The following NBEAL2 variants were observed in gnomAD, a reference collection of about 807,000 sequenced individuals.
NBEAL2 encodes the protein neurobeachin like 2.
Under a neutral mutation model 299.8 loss-of-function variants are expected in NBEAL2, and 160 were observed. The observed-to-expected ratio is 0.53, with a 90% confidence interval of 0.47 to 0.61. NBEAL2 has a LOEUF of 0.61. Among genes scored for constraint, NBEAL2 ranks in the 20% least tolerant of loss-of-function variants. NBEAL2 has a pLI of 0.00. For missense variants in NBEAL2, 3,112 were observed against 3,649.0 expected, an observed-to-expected ratio of 0.85 and a Z score of 3.79; for synonymous variants, 1,493 against 1,542.3, an observed-to-expected ratio of 0.97 and a Z score of 0.75.
chr3:47,002,847 G>T (rs1308917370), intron 33 of NBEAL2, 45 bp downstream of exon 33: 1 of 1,547,438 alleles, frequency 6.5e-7, no homozygotes, highest in Admixed American at 1.8e-5. Flanking sequence ...GGTGGGGCTT[G>T]GGAGGGAGGG....
Position 46,989,362 on chromosome 3 carries a change from T to A in NBEAL2, c.454T>A (p.Trp152Arg). The change falls in exon 5 of 54, where the codon TGG (tryptophan) becomes AGG (arginine). Residue 152 changes from tryptophan to arginine, a missense_variant. Physicochemically the swap from Trp to Arg is moderately radical, Grantham distance 101. Coordinates refer to ENST00000450053, the MANE Select transcript of NBEAL2 (RefSeq NM_015175.3). The surrounding 1 kb of genome is among the most constrained non-coding windows in gnomAD (Gnocchi z 5.5). ...GGGCCTCTTTGACCCTTACCAAACCTGGCGGCGCCAGCGCAGTGGGTGAGA... is the reference window on the plus strand; with the variant it reads ...GGGCCTCTTTGACCCTTACCAAACCAGGCGGCGCCAGCGCAGTGGGTGAGA... ...CEGLFDPYQT[W>R]RRQRSGEVIS... 1 of 1,581,150 alleles carries A rather than the reference T, an allele frequency of 6.3e-7. No individual in the cohort carries two copies. Among genetic ancestry groups the A allele is most frequent in the Non-Finnish European group, 8.6e-7 (1 of 1,163,796 alleles).
At position 46,988,681 on chromosome 3, in the gene NBEAL2, T is replaced by C. The variant is rs1306468310; in HGVS notation, c.64T>C (p.Tyr22His). 1 of 1,613,788 alleles carries C rather than the reference T, an allele frequency of 6.2e-7. No individual in the cohort carries two copies. The highest frequency in any genetic ancestry group is 8.5e-7 in the Non-Finnish European group (1 of 1,179,818). The change falls in exon 2 of 54, where the codon TAC becomes CAC. Residue 22 changes from tyrosine (Y) to histidine (H), a missense_variant. Physicochemically the swap from Tyr to His is moderately conservative, Grantham distance 83. Coordinates refer to ENST00000450053, the MANE Select transcript of NBEAL2 (RefSeq NM_015175.3). The surrounding 1 kb of genome is among the most constrained non-coding windows in gnomAD (Gnocchi z 4.4). ...LLYYAQKDLG[Y>H]LQQWLKAFVG... ...GTTCTGCCTACAGAAGGACCTGGGT[T>C]ACCTGCAGCAGTGGCTGAAGGCCTT...
rs1449369150 is a variant in NBEAL2, at chr3:46,988,167, A to G, written c.52-502A>G. ...TGTCTGGGTCTGCCTGTCTAATGGT[A>G]CACGTGTGTCCTGGGATCCACAGTT... On this transcript the variant is annotated intron_variant, in intron 1 of 53. Coordinates refer to ENST00000450053, the MANE Select transcript of NBEAL2 (RefSeq NM_015175.3). The surrounding 1 kb of genome is among the most constrained non-coding windows in gnomAD (Gnocchi z 4.4). 2 of 941,474 alleles carry G rather than the reference A, an allele frequency of 2.1e-6. No homozygotes were observed. Among genetic ancestry groups the G allele is most frequent in the Non-Finnish European group, 2.8e-6 (2 of 724,062 alleles). The allele number at this position is 941,474 out of a possible 1,614,324, so 58.3% of individuals were successfully genotyped here.
In NBEAL2 at chr3:47,009,043, C is replaced by G. The variant is rs1398817406; in HGVS notation, c.8082C>G (p.Ala2694=). The G allele has an allele frequency of 6.2e-7, 1 of 1,601,576 alleles. No homozygotes were observed. Among genetic ancestry groups the G allele is most frequent in the South Asian group, 1.1e-5 (1 of 91,050 alleles). Residue 2694 remains alanine (A), a synonymous_variant, in exon 53 of 54, where the codon GCC becomes GCG. Transcript: ENST00000450053. ...TGAAGGTGGCCATCCGCAGCGTGGC[C>G]GTGACCAAGGAGCGCAGCCACGTGC... ...LPMKVAIRSV[A]VTKERSHVLV...
At chr3:46,985,748 AGT>A (rs1193439941) in intron 1 of NBEAL2, among the ~76,000 whole-genome samples, 1 of 152,106 alleles carries the variant, frequency 6.6e-6, no homozygotes, top group African/African-American at 2.4e-5. Flanking sequence ...ACCTGCCTTC[AGT>A]GGGGGACAGG....
chr3:47,002,569 A>G, intron 32 of NBEAL2, 49 bp downstream of exon 32: 1 of 1,610,036 alleles, frequency 6.2e-7, no homozygotes, highest in South Asian at 1.1e-5. Context: ...ACATGCACCC[A>G]GGAGATGACT....
At position 47,009,630 on chromosome 3, in the gene NBEAL2, C is replaced by T. The variant is rs1422476037; in HGVS notation, c.*310C>T. 4 of 414,056 alleles carry T rather than the reference C, an allele frequency of 9.7e-6. No individual in the cohort carries two copies. The highest frequency in any genetic ancestry group is 1.3e-3 in the Middle Eastern group (2 of 1,488). 25.6% of individuals were successfully genotyped at this position (414,056 alleles called of 1,614,324 possible). ...CGCTGTTTCGTCAAAGCACGAGGGC[C>T]GCCTGTGGCCTTAATTCCTAACGGC... On this transcript the variant is annotated 3_prime_UTR_variant, in exon 54 of 54. Transcript: ENST00000450053.
intron 10 of NBEAL2, 63 bp from the exon 11 acceptor site, chr3:46,993,874 A>AG (rs1266582296): frequency 1.9e-5 from 28 of 1,452,332 alleles, no homozygotes; most frequent in Middle Eastern, 3.4e-4. Context: ...TTTTTACTGC[A>AG]GGGGGCTGCC....
rs1210271583 is a variant in NBEAL2, at chr3:46,998,171, G to A, written c.3063G>A (p.Gln1021=). 1 of 1,608,388 alleles carries A rather than the reference G, an allele frequency of 6.2e-7. No individual in the cohort carries two copies. Among genetic ancestry groups the A allele is most frequent in the Non-Finnish European group, 8.5e-7 (1 of 1,177,536 alleles). ...GGCCCCTCCTGTACCTACTCTACCA[G>A]CATTTGCTCTTCAACTTTCACCTCT... ...GSGPLLYLLY[Q]HLLFNFHLWT... is the part of the protein sequence containing the mutation. The change falls in exon 21 of 54, where the codon CAG becomes CAA. Residue 1021 remains glutamine, a synonymous_variant. Transcript: ENST00000450053.
chr3:46,985,603 G>T (rs961703637), intron 1 of NBEAL2, among the ~76,000 whole-genome samples: 8 of 152,204 alleles, frequency 5.3e-5, no homozygotes, highest in African/African-American at 1.9e-4. Flanking sequence ...GGGTCTCTGT[G>T]GTGGTGCACA....
At chr3:46,981,353 A>T (rs1393509494) in intron 1 of NBEAL2, among the ~76,000 whole-genome samples, 1 of 152,122 alleles carries the variant, frequency 6.6e-6, no homozygotes, top group African/African-American at 2.4e-5. Context: ...GAGGCAGGAG[A>T]ATCGCTTGAA....
Position 46,979,820 on chromosome 3 carries a change from G to C in NBEAL2, c.-42G>C. The C allele has an allele frequency of 2.4e-6, 1 of 411,434 alleles. No homozygotes were observed. The highest frequency in any genetic ancestry group is 3.8e-5 in the East Asian group (1 of 26,288). 25.5% of individuals were successfully genotyped at this position (411,434 alleles called of 1,614,324 possible). On this transcript the variant is annotated 5_prime_UTR_variant, in exon 1 of 54. Coordinates refer to ENST00000450053, the MANE Select transcript of NBEAL2 (RefSeq NM_015175.3). ...AACCGGCGGGCGGCGCGGAGGAGGC[G>C]GCGACAGGTGGCGCGCAGCAGGGCC... is the stretch of plus-strand genomic sequence containing the variant.
At chr3:46,999,504 G>A (rs569869824) in intron 25 of NBEAL2, 30 bp downstream of exon 25, 1 of 1,581,388 alleles carries the variant, frequency 6.3e-7, no homozygotes, top group South Asian at 1.1e-5. Context: ...AAGTGGAGGG[G>A]GTGACATGTC....
intron 10 of NBEAL2, among the ~76,000 whole-genome samples, chr3:46,993,389 C>T (rs1377269913): frequency 6.6e-6 from 1 of 152,206 alleles, no homozygotes; most frequent in African/African-American, 2.4e-5. Context: ...GCAGGAGAGG[C>T]AGCAGCATGC....
In NBEAL2 at chr3:47,004,029, G is replaced by T; in HGVS notation, c.5882-48G>T. 1 of 1,606,480 alleles carries T rather than the reference G, an allele frequency of 6.2e-7. No homozygotes were observed. The highest frequency in any genetic ancestry group is 1.1e-5 in the South Asian group (1 of 90,582). ...GATGGCAGGGAATGGCTGAGCTCTGGGTGGGGCTGGGGTGAGTGACTCCCG... is the reference window on the plus strand; with the variant it reads ...GATGGCAGGGAATGGCTGAGCTCTGTGTGGGGCTGGGGTGAGTGACTCCCG... On this transcript the variant is annotated intron_variant, in intron 36 of 53. Coordinates refer to ENST00000450053, the MANE Select transcript of NBEAL2 (RefSeq NM_015175.3). This position sits in a 1 kb window ranked among gnomAD's most constrained non-coding sequence, Gnocchi z 5.0.
In NBEAL2 at chr3:46,996,518, A is replaced by G; in HGVS notation, c.2399A>G (p.Glu800Gly). 1.3e-6 allele frequency: 2 copies of G among 1,566,576 alleles called. No individual in the cohort carries two copies. Among genetic ancestry groups the G allele is most frequent in the South Asian group, 1.2e-5 (1 of 85,438 alleles). The change falls in exon 16 of 54, where the codon GAG becomes GGG. Residue 800 changes from glutamate to glycine, a missense_variant. Coordinates refer to ENST00000450053, the MANE Select transcript of NBEAL2 (RefSeq NM_015175.3). ...CGGTGGGGCAGCCCCACATCCCTGGAGGGTGAGCTGGGGGCTGTGGCCATC... is the reference window on the plus strand; with the variant it reads ...CGGTGGGGCAGCCCCACATCCCTGGGGGGTGAGCTGGGGGCTGTGGCCATC... Reference protein sequence around the residue: ...DTRWGSPTSLEGELGAVAIFH... With the variant: ...DTRWGSPTSLGGELGAVAIFH...
Position 47,002,479 on chromosome 3 carries a change from C to T in NBEAL2, c.5260C>T (p.Arg1754Trp), listed in dbSNP as rs1371413602. 8 of 1,612,922 alleles carry T rather than the reference C, an allele frequency of 5.0e-6. No homozygotes were observed. Among genetic ancestry groups the T allele is most frequent in the Admixed American group, 1.7e-5 (1 of 60,006 alleles). The change falls in exon 32 of 54, where the codon CGG becomes TGG. Residue 1754 changes from arginine to tryptophan, a missense_variant. By Grantham distance (101) the Arg-to-Trp change is moderately radical (BLOSUM62 -3). Coordinates refer to ENST00000450053, the MANE Select transcript of NBEAL2 (RefSeq NM_015175.3). ...TGACATGCTTATGAGCAGTGGGCAG[C>T]GGCGCCAGTGGGAGCGCGCCCAGAG... The part of the protein sequence containing the change: ...CYDMLMSSGQ[R>W]RQWERAQSRR...
chr3:47,007,781 C>T lies in NBEAL2; in HGVS notation c.7508-35C>T, dbSNP rs761441036. On this transcript the variant is annotated intron_variant, in intron 48 of 53. Transcript: ENST00000450053. Reference sequence around the variant, plus strand: ...AGGCTGGCCAGGGCGGATGTGACTCCTCCGTTCTGCCTGTACCCTCCCCTT... The same window carrying T: ...AGGCTGGCCAGGGCGGATGTGACTCTTCCGTTCTGCCTGTACCCTCCCCTT... 1.6e-5 allele frequency: 26 copies of T among 1,609,140 alleles called. No homozygotes were observed. The East Asian group carries it at 5.1e-4, about 32-fold the overall frequency.
chr3:47,005,105 G>A lies in NBEAL2; in HGVS notation c.6419+9G>A. On this transcript the variant is annotated intron_variant, in intron 39 of 53. Transcript: ENST00000450053. ...CAGCTCGTGAGGGAGAAGTGAGCAT[G>A]TGGGCAGGGCTGGGCTCAGCGGGTA... 1 of 1,613,900 alleles carries A rather than the reference G, an allele frequency of 6.2e-7. No homozygotes were observed. The highest frequency in any genetic ancestry group is 1.3e-5 in the African/African-American group (1 of 75,084).
Sources: gnomAD v4.1 joint callset for allele counts (sites outside exome capture counted in the v4.1 genomes callset) on GRCh38, gnomAD v4.1.1 for gene constraint, Gnocchi (gnomAD v3.1) non-coding constraint, MANE v1.5 for transcripts, NCBI Gene and HGNC (gene_info 2026-07-23, HGNC 2026-07-21) for gene names.